DLGAP1: variants seen among roughly 807,000 people sequenced by gnomAD.
DLGAP1 encodes disks large-associated protein 1.
In DLGAP1, 11 loss-of-function variants were observed where a neutral mutation model predicts 90.8. That is an observed-to-expected ratio of 0.12 (90% CI 0.08 to 0.20). DLGAP1 has a LOEUF of 0.20. DLGAP1 is among the 10% of genes least tolerant of loss of function. The pLI is 1.00. For synonymous variants in DLGAP1, 558 were observed against 540.7 expected (o/e 1.03, Z -0.44); for missense variants, 1,050 against 1,333.8 (o/e 0.79, Z 3.31).
Position 3,796,956 on chromosome 18 carries a change from G to C in DLGAP1, c.1172+17103C>G, listed in dbSNP as rs138722354. Among the ~76,000 whole-genome samples the C allele has an allele frequency of 1.8e-3, 270 of 152,278 alleles. 1 individual carries two copies. The highest frequency in any genetic ancestry group is 6.2e-3 in the African/African-American group (259 of 41,560). ...CTAATGCCCAGTGTGATGGTATCTG[G>C]AGATGGGGCCTTTGGGAGGCAATTA... On this transcript the variant is annotated intron_variant, in intron 5 of 12. Transcript: ENST00000315677.
intron 7 of DLGAP1, among the ~76,000 whole-genome samples, chr18:3,698,811 C>T (rs1402265935): frequency 6.6e-6 from 1 of 152,114 alleles, no homozygotes. Flanking sequence ...TTCACATAGT[C>T]CCATATTTCT....
intron 2 of DLGAP1, among the ~76,000 whole-genome samples, chr18:4,110,600 G>C (rs1023580726): frequency 6.6e-6 from 1 of 152,190 alleles, no homozygotes; most frequent in Non-Finnish European, 1.5e-5. Context: ...TAGTCCTAGA[G>C]ATACTATATT....
chr18:4,232,267 G>A (rs1383947522), intron 1 of DLGAP1, among the ~76,000 whole-genome samples: 2 of 152,060 alleles, frequency 1.3e-5, no homozygotes, highest in Non-Finnish European at 2.9e-5. Context: ...CTATTGAGGG[G>A]TCCTTAAATT....
chr18:4,272,090 A>G (rs1011907626), intron 1 of DLGAP1, among the ~76,000 whole-genome samples: 3 of 152,214 alleles, frequency 2.0e-5, no homozygotes, highest in African/African-American at 7.2e-5. Context: ...GTGTATTCCA[A>G]CTTTATGAAG....
chr18:4,318,617 A>G (rs1019396337), intron 1 of DLGAP1, among the ~76,000 whole-genome samples: 5 of 152,210 alleles, frequency 3.3e-5, no homozygotes, highest in African/African-American at 1.2e-4. Context: ...CTTGAGAAAA[A>G]GAAATCAGGG....
At chr18:3,599,763 G>A (rs1466771004) in intron 7 of DLGAP1, among the ~76,000 whole-genome samples, 1 of 151,820 alleles carries the variant, frequency 6.6e-6, no homozygotes, top group Non-Finnish European at 1.5e-5. Flanking sequence ...GGGACTACAG[G>A]AGGCGCCACC....
intron 7 of DLGAP1, chr18:3,708,330 A>G (rs868612206): frequency 6.9e-6 from 3 of 436,420 alleles, no homozygotes; most frequent in South Asian, 4.9e-5. Context: ...GAGCAAGAAC[A>G]CACATCTGAC....
chr18:3,778,646 C>G lies in DLGAP1; in HGVS notation c.1172+35413G>C, dbSNP rs1296194275. ...CAGCAGCGGCAAGTGGGGAGAGATT[C>G]AAATCCCTTAAGAAGCACCAGAGTG... On this transcript the variant is annotated intron_variant, in intron 5 of 12. Coordinates refer to ENST00000315677, the MANE Select transcript of DLGAP1 (RefSeq NM_004746.4). Among the ~76,000 whole-genome samples, 7 of 152,238 alleles carry G rather than the reference C, an allele frequency of 4.6e-5. No homozygotes were observed. The South Asian group carries it at 1.5e-3, about 32-fold the overall frequency.
At chr18:3,985,539 C>A (rs2073824937) in intron 3 of DLGAP1, among the ~76,000 whole-genome samples, 1 of 143,478 alleles carries the variant, frequency 7.0e-6, no homozygotes, top group Admixed American at 7.0e-5. Context: ...TTTTTTTTAA[C>A]ATAGAACAAA....
At chr18:4,303,935 T>C (rs2080188724) in intron 1 of DLGAP1, among the ~76,000 whole-genome samples, 1 of 152,226 alleles carries the variant, frequency 6.6e-6, no homozygotes, top group Non-Finnish European at 1.5e-5. Flanking sequence ...CAAGAGAAGA[T>C]GACTTAGGAT....
At chr18:4,408,980 A>AAC (rs34298940) in intron 1 of DLGAP1, among the ~76,000 whole-genome samples, 1 of 150,038 alleles carries the variant, frequency 6.7e-6, no homozygotes, top group Non-Finnish European at 1.5e-5. Context: ...CACACACACA[A>AAC]ACACACACAC....
chr18:3,741,020 C>CCACCACCATCACCACCATCACCT (rs1568047635), intron 6 of DLGAP1, among the ~76,000 whole-genome samples: 1,545 of 74,538 alleles, frequency 0.021, 114 homozygotes, highest in African/African-American at 0.083. Flanking sequence ...ACCACCATCA[C>CCACCACCATCACCACCATCACCT]CACCACCACC....
At chr18:3,646,503 T>G (rs946265472) in intron 7 of DLGAP1, among the ~76,000 whole-genome samples, 1 of 152,238 alleles carries the variant, frequency 6.6e-6, no homozygotes, top group Admixed American at 6.5e-5. Context: ...TAATCATTTT[T>G]CTTGAGTGGT....
intron 3 of DLGAP1, among the ~76,000 whole-genome samples, chr18:3,900,605 G>A (rs2071759935): frequency 6.6e-6 from 1 of 152,090 alleles, no homozygotes; most frequent in African/African-American, 2.4e-5. Context: ...TCAGCTTGTG[G>A]GCTCATTTTT....
At position 4,148,977 on chromosome 18, in the gene DLGAP1, C is replaced by G. The variant is rs79879370; in HGVS notation, c.-159+2203G>C. Among the ~76,000 whole-genome samples the G allele has an allele frequency of 6.9e-3, 1,044 of 152,312 alleles. 5 individuals are homozygous for G. The highest frequency in any genetic ancestry group is 0.021 in the African/African-American group (869 of 41,560). On this transcript the variant is annotated intron_variant, in intron 2 of 12. Transcript: ENST00000315677. Reference sequence around the variant, plus strand: ...TAATGTACTAAATCTGTTTTGCCAGCTGACCATTCATCTAACATTATGCCC... The same window carrying G: ...TAATGTACTAAATCTGTTTTGCCAGGTGACCATTCATCTAACATTATGCCC...
chr18:3,738,298 A>T (rs1301627694), intron 6 of DLGAP1, among the ~76,000 whole-genome samples: 1 of 146,106 alleles, frequency 6.8e-6, no homozygotes, highest in Non-Finnish European at 1.5e-5. Flanking sequence ...TGGAACAAAA[A>T]AAGAGCCCGC....
chr18:3,937,814 C>T (rs1481556573), intron 3 of DLGAP1, among the ~76,000 whole-genome samples: 4 of 152,092 alleles, frequency 2.6e-5, no homozygotes, highest in Non-Finnish European at 1.5e-5. Context: ...CATATAATAG[C>T]GATTAAGCGT....
chr18:3,978,771 A>G (rs2149025660), intron 3 of DLGAP1, among the ~76,000 whole-genome samples: 1 of 152,200 alleles, frequency 6.6e-6, no homozygotes, highest in Middle Eastern at 3.4e-3. Flanking sequence ...TTTTCCCCCT[A>G]GTTTTTTTAT....
intron 1 of DLGAP1, among the ~76,000 whole-genome samples, chr18:4,203,105 C>T (rs1011587029): frequency 1.3e-5 from 2 of 151,896 alleles, no homozygotes; most frequent in Non-Finnish European, 2.9e-5. Flanking sequence ...TGAAACCTGT[C>T]TCTACTAAAA....
Sources: gnomAD v4.1 joint callset for allele counts (sites outside exome capture counted in the v4.1 genomes callset) on GRCh38, gnomAD v4.1.1 for gene constraint, MANE v1.5 for transcripts, NCBI Gene and HGNC (gene_info 2026-07-23, HGNC 2026-07-21) for gene names.